The following ATP2A3 variants were observed in gnomAD, a reference collection of about 807,000 sequenced individuals.
ATP2A3 encodes ATPase sarcoplasmic/endoplasmic reticulum Ca2+ transporting 3, also known as sarcoplasmic/endoplasmic reticulum calcium ATPase 3.
A neutral mutation model predicts 106.8 loss-of-function variants in ATP2A3; 61 were observed. The ratio of observed to expected loss-of-function variants is 0.57; its 90% CI spans 0.46 to 0.71. The LOEUF (loss-of-function observed/expected upper bound fraction) is 0.71, where lower values mean the gene tolerates loss of function less well. Among genes scored for constraint, ATP2A3 ranks in the 30% least tolerant of loss-of-function variants. ATP2A3 has a pLI of 0.00. For missense variants in ATP2A3, 1,201 were observed against 1,423.5 expected (o/e 0.84, Z 2.52); for synonymous variants, 611 against 609.3 (o/e 1.00, Z -0.04).
At chr17:3,940,675 T>G (rs1567694864) in intron 14 of ATP2A3, among the ~76,000 whole-genome samples, 1 of 152,122 alleles carries the variant, frequency 6.6e-6, no homozygotes, top group Non-Finnish European at 1.5e-5. Flanking sequence ...GCCCCGCTAA[T>G]TTTTGTACTT....
In ATP2A3 at chr17:3,924,149, G is replaced by A. The variant is rs998739003; in HGVS notation, c.*1273C>T. The A allele has an allele frequency of 3.3e-5, 5 of 152,380 alleles. No homozygotes were observed. Among genetic ancestry groups the A allele is most frequent in the Admixed American group, 2.0e-4 (3 of 15,280 alleles). The allele number at this position is 152,380 out of a possible 1,614,324, so 9.4% of individuals were successfully genotyped here. A position where few individuals can be genotyped will look rare whatever the true frequency, so the allele number is the denominator to read the frequency against. ...AGGGGCTTTGGATGTGGGGGACTAG[G>A]AAAGGGATGTGAGTCTTGATTTACA... On this transcript the variant is annotated 3_prime_UTR_variant, in exon 21 of 21. Coordinates refer to ENST00000397041, the MANE Select transcript of ATP2A3 (RefSeq NM_005173.4). The surrounding 1 kb of genome is among the most constrained non-coding windows in gnomAD (Gnocchi z 6.4).
rs2053437086 is a variant in ATP2A3 at position 3,936,284 on chromosome 17, C to T, written c.2507G>A (p.Arg836Gln). ...CCACTCACCTCCGATAGCCAGGTAT[C>T]GGAAGAAGAGCCAGCCACTGATGAG... is the stretch of plus-strand genomic sequence containing the variant. ...EALISGWLFF[R>Q]YLAIGVYVGL... The change falls in exon 16 of 21, where the codon CGA (arginine) becomes CAA (glutamine). Residue 836 changes from arginine (R) to glutamine (Q), a missense_variant. Transcript: ENST00000397041. The surrounding 1 kb of genome is among the most constrained non-coding windows in gnomAD (Gnocchi z 5.4). 3.1e-6 allele frequency: 5 copies of T among 1,613,772 alleles called. No individual in the cohort carries two copies. The highest frequency in any genetic ancestry group is 4.2e-6 in the Non-Finnish European group (5 of 1,179,984).
chr17:3,924,658 G>GGGGAACCCCGAGTCCAGGA lies in ATP2A3; in HGVS notation c.*763_*764insTCCTGGACTCGGGGTTCCC. On this transcript the variant is annotated 3_prime_UTR_variant, in exon 21 of 21. Coordinates refer to ENST00000397041, the MANE Select transcript of ATP2A3 (RefSeq NM_005173.4). The surrounding 1 kb of genome is among the most constrained non-coding windows in gnomAD (Gnocchi z 6.4). ...TCTGAACATCTCCCGAGCTCAGGAC[G>GGGGAACCCCGAGTCCAGGA]GGGAACCCTGAGTCCAGGAGGCGCG... 1 of 423,494 alleles carries GGGGAACCCCGAGTCCAGGA rather than the reference G, an allele frequency of 2.4e-6. No individual in the cohort carries two copies. Among genetic ancestry groups the GGGGAACCCCGAGTCCAGGA allele is most frequent in the East Asian group, 7.3e-5 (1 of 13,672 alleles). 26.2% of individuals were successfully genotyped at this position (423,494 alleles called of 1,614,324 possible).
Position 3,929,137 on chromosome 17 carries a change from C to T in ATP2A3, c.2862+191G>A, listed in dbSNP as rs2052894031. 6.6e-6 allele frequency among the ~76,000 whole-genome samples: 1 copy of T among 152,186 alleles called. No individual in the cohort carries two copies. The highest frequency in any genetic ancestry group is 2.1e-4 in the South Asian group (1 of 4,834). ...CACAGTCCCCTCAGCAAGGGGTTTC[C>T]CCCTCTTCCGTCCCCCAGGTCTGGG... On this transcript the variant is annotated intron_variant, in intron 19 of 20. Transcript: ENST00000397041. This position sits in a 1 kb window ranked among gnomAD's most constrained non-coding sequence, Gnocchi z 4.3.
At position 3,925,348 on chromosome 17, in the gene ATP2A3, T is replaced by G. The variant is rs1597550005; in HGVS notation, c.*74A>C. The G allele has an allele frequency of 1.2e-6, 2 of 1,611,496 alleles. No individual in the cohort carries two copies. The highest frequency in any genetic ancestry group is 8.5e-7 in the Non-Finnish European group (1 of 1,179,044). On this transcript the variant is annotated 3_prime_UTR_variant, in exon 21 of 21. Coordinates refer to ENST00000397041, the MANE Select transcript of ATP2A3 (RefSeq NM_005173.4). This position sits in a 1 kb window ranked among gnomAD's most constrained non-coding sequence, Gnocchi z 4.2. The stretch of plus-strand genomic sequence containing the variant: ...AAGTGGGCGAGTGTGGTGGCAAGGG[T>G]GGGGGGCGGAGGCGAACACATGGGC...
Position 3,964,435 on chromosome 17 carries a change from G to T in ATP2A3, c.-144C>A. 7.1e-6 allele frequency: 2 copies of T among 281,616 alleles called. 1 individual carries two copies. Among genetic ancestry groups the T allele is most frequent in the Non-Finnish European group, 1.1e-5 (2 of 176,312 alleles). 17.4% of individuals were successfully genotyped at this position (281,616 alleles called of 1,614,324 possible). A position where few individuals can be genotyped will look rare whatever the true frequency, so the allele number is the denominator to read the frequency against. On this transcript the variant is annotated 5_prime_UTR_variant, in exon 1 of 21. Transcript: ENST00000397041. ...TGCTGGGACCTTACCCGACGGCAGTGGCGGCGGCGGCCCCGGCCCGCGCCA... is the reference window on the plus strand; with the variant it reads ...TGCTGGGACCTTACCCGACGGCAGTTGCGGCGGCGGCCCCGGCCCGCGCCA...
intron 1 of ATP2A3, among the ~76,000 whole-genome samples, chr17:3,954,550 G>A (rs995313958): frequency 6.7e-5 from 10 of 149,614 alleles, no homozygotes; most frequent in Non-Finnish European, 1.5e-4. Context: ...AGGCCAGAGT[G>A]CAGTGGCGCA....
At chr17:3,931,433 G>A (rs2053077862) in intron 17 of ATP2A3, among the ~76,000 whole-genome samples, 1 of 152,078 alleles carries the variant, frequency 6.6e-6, no homozygotes, top group Non-Finnish European at 1.5e-5. Flanking sequence ...TAGGGATGAG[G>A]GTGAATGTTT....
chr17:3,954,653 C>T (rs1185356749), intron 1 of ATP2A3, among the ~76,000 whole-genome samples: 3 of 152,056 alleles, frequency 2.0e-5, no homozygotes, highest in Non-Finnish European at 2.9e-5. Context: ...CGCGGCACCA[C>T]GCCCGGCTGA....
intron 20 of ATP2A3, chr17:3,927,352 C>G (rs1001055962): frequency 3.7e-5 from 36 of 985,356 alleles, no homozygotes; most frequent in Non-Finnish European, 4.2e-5. Context: ...TGCTGAGCTC[C>G]TAGGCAGTTG....
chr17:3,937,707 G>T (rs1407914654), intron 14 of ATP2A3, 71 bp from the exon 15 acceptor site: 3 of 1,461,612 alleles, frequency 2.1e-6, no homozygotes, highest in Admixed American at 1.9e-5. Context: ...TCTCAACTCA[G>T]CCCACCCCCA....
intron 4 of ATP2A3, 54 bp from the exon 5 acceptor site, chr17:3,951,443 C>T (rs952374528): frequency 9.2e-5 from 148 of 1,612,076 alleles, no homozygotes; most frequent in Non-Finnish European, 1.2e-4. Context: ...CCGCAGACCA[C>T]CCCCTTGGAG....
chr17:3,959,909 G>A (rs2055046072), intron 1 of ATP2A3, among the ~76,000 whole-genome samples: 1 of 152,236 alleles, frequency 6.6e-6, no homozygotes, highest in Admixed American at 6.5e-5. Context: ...ACTGTGCTAT[G>A]GGAAAATACA....
intron 17 of ATP2A3, among the ~76,000 whole-genome samples, chr17:3,932,135 A>C (rs1449644813): frequency 2.0e-5 from 3 of 151,486 alleles, no homozygotes; most frequent in Non-Finnish European, 4.4e-5. Flanking sequence ...TTTTCTTTTT[A>C]TTTTGTTTTG....
intron 7 of ATP2A3, among the ~76,000 whole-genome samples, chr17:3,950,012 A>C (rs889550151): frequency 6.6e-6 from 1 of 151,472 alleles, no homozygotes; most frequent in Non-Finnish European, 1.5e-5. Context: ...AAATACAAAA[A>C]TTAGCCGGGT....
In ATP2A3 at chr17:3,928,416, G is replaced by T; in HGVS notation, c.2980+247C>A. 1 of 1,314,826 alleles carries T rather than the reference G, an allele frequency of 7.6e-7. No homozygotes were observed. The highest frequency in any genetic ancestry group is 1.1e-6 in the Non-Finnish European group (1 of 932,094). The allele number at this position is 1,314,826 out of a possible 1,614,324, so 81.4% of individuals were successfully genotyped here. ...GGTGGCAGGTGAAGACAGTGAGGCAGTGTGGCCCAAGAGGTGCTCCCGTTG... is the reference window on the plus strand; with the variant it reads ...GGTGGCAGGTGAAGACAGTGAGGCATTGTGGCCCAAGAGGTGCTCCCGTTG... On this transcript the variant is annotated intron_variant, in intron 20 of 20. Transcript: ENST00000397041. The surrounding 1 kb of genome is among the most constrained non-coding windows in gnomAD (Gnocchi z 6.1).
In ATP2A3 at chr17:3,929,281, C is replaced by T. The variant is rs1475501033; in HGVS notation, c.2862+47G>A. 8.7e-6 allele frequency: 13 copies of T among 1,493,162 alleles called. No homozygotes were observed. Among genetic ancestry groups the T allele is most frequent in the Non-Finnish European group, 1.2e-5 (13 of 1,096,940 alleles). 92.5% of individuals were successfully genotyped at this position (1,493,162 alleles called of 1,614,324 possible). A position where few individuals can be genotyped will look rare whatever the true frequency, so the allele number is the denominator to read the frequency against. Reference sequence around the variant, plus strand: ...AGAGGTCCAGTGACCAGCCCAGGGCCTGTGATGTCCAGGGACCAGGGCAGT... The same window carrying T: ...AGAGGTCCAGTGACCAGCCCAGGGCTTGTGATGTCCAGGGACCAGGGCAGT... On this transcript the variant is annotated intron_variant, in intron 19 of 20. Transcript: ENST00000397041. The surrounding 1 kb of genome is among the most constrained non-coding windows in gnomAD (Gnocchi z 4.3).
In ATP2A3 at chr17:3,930,706, G is replaced by A; in HGVS notation, c.2611-272C>T. The A allele has an allele frequency of 1.8e-6, 1 of 551,336 alleles. No individual in the cohort carries two copies. The highest frequency in any genetic ancestry group is 2.0e-5 in the South Asian group (1 of 50,760). 34.2% of individuals were successfully genotyped at this position (551,336 alleles called of 1,614,324 possible). A position where few individuals can be genotyped will look rare whatever the true frequency, so the allele number is the denominator to read the frequency against. ...CAGCGGCTCAGAAGGAGAACAGCTG[G>A]CATTAGCCTGGGGAGGCTAGCGGGA... On this transcript the variant is annotated intron_variant, in intron 17 of 20. Coordinates refer to ENST00000397041, the MANE Select transcript of ATP2A3 (RefSeq NM_005173.4). The surrounding 1 kb of genome is among the most constrained non-coding windows in gnomAD (Gnocchi z 5.4).
Position 3,945,136 on chromosome 17 carries a change from C to T in ATP2A3, c.1108G>A (p.Ala370Thr). Residue 370 changes from alanine to threonine, a missense_variant, in exon 9 of 21, where the codon GCC becomes ACC. Physicochemically the swap from Ala to Thr is moderately conservative, Grantham distance 58. Coordinates refer to ENST00000397041, the MANE Select transcript of ATP2A3 (RefSeq NM_005173.4). ...QMSVCRMFVVAEADAGSCLLH... is the reference protein window; with the variant it reads ...QMSVCRMFVVTEADAGSCLLH... ...AGGCAGGAGCCCGCATCGGCCTCGG[C>T]TACCACGAACATCTGGGGAGCGCAG... 6.5e-7 allele frequency: 1 copy of T among 1,547,918 alleles called. No homozygotes were observed. The highest frequency in any genetic ancestry group is 1.2e-5 in the South Asian group (1 of 83,976).
Sources: allele counts gnomAD v4.1 joint callset (sites outside exome capture counted in the v4.1 genomes callset), GRCh38; gene constraint gnomAD v4.1.1; non-coding constraint Gnocchi (gnomAD v3.1); transcripts MANE v1.5; gene names NCBI Gene and HGNC (gene_info 2026-07-23, HGNC 2026-07-21).